Variants in ZSCAN5A observed in about 807,000 individuals in gnomAD.
The protein encoded by ZSCAN5A is zinc finger and SCAN domain containing 5A.
Under a neutral mutation model 23.7 loss-of-function variants are expected in ZSCAN5A, and 12 were observed. The ratio of observed to expected loss-of-function variants is 0.51; its 90% CI spans 0.32 to 0.82. The LOEUF (loss-of-function observed/expected upper bound fraction) is 0.82, where lower values mean the gene tolerates loss of function less well. ZSCAN5A is among the 40% of genes least tolerant of loss of function. The probability of loss-of-function intolerance (pLI) is 0.03; values close to 1 mark genes in which losing one functional copy is unlikely to be tolerated. For missense variants in ZSCAN5A, 597 were observed against 617.9 expected (o/e 0.97, Z 0.36); for synonymous variants, 257 against 239.9 (o/e 1.07, Z -0.66).
At chr19:56,224,061 G>T (rs2033633056) in intron 3 of ZSCAN5A, among the ~76,000 whole-genome samples, 1 of 151,680 alleles carries the variant, frequency 6.6e-6, no homozygotes, top group Non-Finnish European at 1.5e-5. Context: ...ACATAAACAT[G>T]GGTCCTTTAG....
intron 2 of ZSCAN5A, among the ~76,000 whole-genome samples, chr19:56,280,978 A>G (rs2038651022): frequency 6.6e-6 from 1 of 152,192 alleles, no homozygotes; most frequent in Non-Finnish European, 1.5e-5. Flanking sequence ...AAATTCACAT[A>G]TAACTTTTGA....
At chr19:56,249,833 G>A (rs1023747914) in intron 2 of ZSCAN5A, among the ~76,000 whole-genome samples, 1 of 152,134 alleles carries the variant, frequency 6.6e-6, no homozygotes, top group Non-Finnish European at 1.5e-5. Flanking sequence ...TCCTCTTGGT[G>A]AAAATTTCTC....
intron 2 of ZSCAN5A, among the ~76,000 whole-genome samples, chr19:56,322,611 CTA>C (rs1183428195): frequency 6.6e-6 from 1 of 152,222 alleles, no homozygotes; most frequent in African/African-American, 2.4e-5. Context: ...CCTGCCCAAT[CTA>C]TCTCTCGCCA....
At chr19:56,326,079 C>T (rs1344509224) in intron 2 of ZSCAN5A, among the ~76,000 whole-genome samples, 6 of 151,820 alleles carry the variant, frequency 4.0e-5, no homozygotes, top group African/African-American at 1.5e-4. Context: ...ACTACAGGCC[C>T]CCGCCACCAC....
chr19:56,360,424 G>A lies in ZSCAN5A; in HGVS notation c.-358+2811C>T, dbSNP rs541993019. Among the ~76,000 whole-genome samples, 8 of 152,212 alleles carry A rather than the reference G, an allele frequency of 5.3e-5. No individual in the cohort carries two copies. The South Asian group carries it at 1.5e-3, about 28-fold the overall frequency. The stretch of plus-strand genomic sequence containing the variant: ...CAAATTACTGCTCAAGGAAATCAGC[G>A]AGGACACAAACAAATGGAAAAACAT... On this transcript the variant is annotated intron_variant, in intron 2 of 6. Coordinates refer to the ZSCAN5A transcript ENST00000587340.
chr19:56,365,419 C>T (rs889566745), intron 1 of ZSCAN5A, among the ~76,000 whole-genome samples: 3 of 152,250 alleles, frequency 2.0e-5, no homozygotes, highest in East Asian at 1.9e-4. Flanking sequence ...ACAATAGACA[C>T]GCAGTTTCCC....
chr19:56,321,301 G>T, intron 2 of ZSCAN5A: 1 of 656,784 alleles, frequency 1.5e-6, no homozygotes, highest in Admixed American at 2.2e-5. Flanking sequence ...AAAATAACTC[G>T]CCCATCACTG....
In ZSCAN5A at chr19:56,221,441, C is replaced by G. The variant is rs1170460175; in HGVS notation, c.*134G>C. On this transcript the variant is annotated 3_prime_UTR_variant, in exon 6 of 6. Transcript: ENST00000683990. ...GGAGGACACATATTTACTCAAACATCCTGGCAATTCATATCTAGGGCACTC... is the reference window on the plus strand; with the variant it reads ...GGAGGACACATATTTACTCAAACATGCTGGCAATTCATATCTAGGGCACTC... 4.6e-6 allele frequency: 5 copies of G among 1,080,594 alleles called. No individual in the cohort carries two copies. In the East Asian group the frequency reaches 1.2e-4, roughly 26 times the overall value. The allele number at this position is 1,080,594 out of a possible 1,614,324, so 66.9% of individuals were successfully genotyped here.
rs1387089781 is a variant in ZSCAN5A, at chr19:56,257,701, G to A, written c.-127-32528C>T. Among the ~76,000 whole-genome samples the A allele has an allele frequency of 7.2e-3, 874 of 120,636 alleles. 12 individuals are homozygous for A. Among genetic ancestry groups the A allele is most frequent in the African/African-American group, 0.03 (796 of 26,148 alleles). 79.1% of individuals were successfully genotyped at this position (120,636 alleles called of 152,430 possible). On this transcript the variant is annotated intron_variant, in intron 2 of 5. Coordinates refer to ENST00000683990, the MANE Select transcript of ZSCAN5A (RefSeq NM_001322064.3). ...GCCCATCTTCTTAGACACAGGCGCC[G>A]GGGGACTCTGCAAGCCTTTCACACC...
At chr19:56,254,519 G>A (rs55954387) in intron 2 of ZSCAN5A, among the ~76,000 whole-genome samples, 34,953 of 152,026 alleles carry the variant, frequency 0.23, 4,200 homozygotes, top group Middle Eastern at 0.33. Context: ...GAACGCTTGG[G>A]TAGCTCCTAC....
chr19:56,246,669 A>G (rs1040889611), intron 2 of ZSCAN5A: 1 of 838,280 alleles, frequency 1.2e-6, no homozygotes, highest in Non-Finnish European at 1.9e-6. Context: ...TTTGGTTGCA[A>G]TGAGTTTGGT....
intron 2 of ZSCAN5A, among the ~76,000 whole-genome samples, chr19:56,346,671 T>C (rs868242101): frequency 6.6e-6 from 1 of 152,086 alleles, no homozygotes; most frequent in Non-Finnish European, 1.5e-5. Flanking sequence ...TAATATGCAT[T>C]TTAGAAAACC....
At chr19:56,300,994 G>A (rs189649098) in intron 2 of ZSCAN5A, among the ~76,000 whole-genome samples, 8 of 152,234 alleles carry the variant, frequency 5.3e-5, no homozygotes, top group East Asian at 1.9e-4. Context: ...AAAGGATGGC[G>A]TAGTGGGCAG....
intron 2 of ZSCAN5A, chr19:56,348,320 A>G (rs969021714): frequency 2.6e-5 from 4 of 152,174 alleles, no homozygotes; most frequent in Non-Finnish European, 5.9e-5. Flanking sequence ...GGCTAATCCA[A>G]TCTTTTTCTC....
chr19:56,343,252 T>C, intron 2 of ZSCAN5A: 1 of 836,866 alleles, frequency 1.2e-6, no homozygotes, highest in Non-Finnish European at 1.9e-6. Context: ...GGCAACCCCC[T>C]TCAGTATTCC....
intron 2 of ZSCAN5A, among the ~76,000 whole-genome samples, chr19:56,311,158 C>T (rs1257203172): frequency 6.6e-6 from 1 of 151,976 alleles, no homozygotes; most frequent in African/African-American, 2.4e-5. Flanking sequence ...AAAAGGGCAG[C>T]GGAGACACAG....
chr19:56,258,305 G>A (rs117490869), intron 2 of ZSCAN5A, among the ~76,000 whole-genome samples: 7 of 152,336 alleles, frequency 4.6e-5, no homozygotes, highest in African/African-American at 7.2e-5. Flanking sequence ...CACTGACTAC[G>A]TATCAGGTCT....
chr19:56,344,923 A>AAAG (rs2041621174), intron 2 of ZSCAN5A, among the ~76,000 whole-genome samples: 1 of 146,752 alleles, frequency 6.8e-6, no homozygotes, highest in African/African-American at 2.6e-5. Context: ...AAAAAAAAAA[A>AAAG]AAAAAAAAAA....
At chr19:56,303,102 A>G (rs1209990726) in intron 2 of ZSCAN5A, 1 of 383,246 alleles carries the variant, frequency 2.6e-6, no homozygotes, top group Non-Finnish European at 4.6e-6. Context: ...GAATTAGCCA[A>G]TTGAGGAGGG....
Sources: gnomAD v4.1 joint callset for allele counts (sites outside exome capture counted in the v4.1 genomes callset) on GRCh38, gnomAD v4.1.1 for gene constraint, MANE v1.5 for transcripts, NCBI Gene and HGNC (gene_info 2026-07-23, HGNC 2026-07-21) for gene names.